Variants in FGD5 observed in about 807,000 individuals in gnomAD.
FGD5 encodes the protein FYVE, RhoGEF and PH domain-containing protein 5.
Under a neutral mutation model 133.4 loss-of-function variants are expected in FGD5, and 28 were observed. The ratio of observed to expected loss-of-function variants is 0.21; its 90% CI spans 0.16 to 0.29. FGD5 has a LOEUF of 0.29. Among genes scored for constraint, FGD5 ranks in the 10% least tolerant of loss-of-function variants. FGD5 has a pLI of 1.00. For missense variants in FGD5, 1,858 were observed against 1,895.2 expected, an observed-to-expected ratio of 0.98 and a Z score of 0.36; for synonymous variants, 810 against 776.5, an observed-to-expected ratio of 1.04 and a Z score of -0.72.
At chr3:14,903,783 C>T (rs1026219353) in intron 9 of FGD5, among the ~76,000 whole-genome samples, 6 of 152,058 alleles carry the variant, frequency 3.9e-5, no homozygotes, top group African/African-American at 1.4e-4. Context: ...AACCGAAGAC[C>T]CTAGCTCATT....
intron 1 of FGD5, among the ~76,000 whole-genome samples, chr3:14,837,492 T>C (rs2036838196): frequency 6.6e-6 from 1 of 152,166 alleles, no homozygotes; most frequent in Non-Finnish European, 1.5e-5. Flanking sequence ...TTGGATGGCA[T>C]TGGCTGGAGG....
upstream of FGD5, among the ~76,000 whole-genome samples, chr3:14,815,760 T>C (rs1379269080): frequency 6.6e-6 from 1 of 152,142 alleles, no homozygotes; most frequent in African/African-American, 2.4e-5. Flanking sequence ...CCTCTGAGTC[T>C]CCATCATAGA....
intron 1 of FGD5, among the ~76,000 whole-genome samples, chr3:14,835,564 G>A (rs559068182): frequency 3.3e-5 from 5 of 152,138 alleles, no homozygotes; most frequent in South Asian, 4.1e-4. Flanking sequence ...TCAGGAGGTC[G>A]TGAAACCTTA....
chr3:14,898,614 A>G (rs1318028765), intron 6 of FGD5, 125 bp from the exon 7 acceptor site: 8 of 744,892 alleles, frequency 1.1e-5, no homozygotes, highest in Admixed American at 4.7e-5. Context: ...GGTTTTGGAG[A>G]TGAGGGAGAA....
intron 1 of FGD5, among the ~76,000 whole-genome samples, chr3:14,844,273 A>T (rs1194953218): frequency 4.0e-5 from 3 of 75,560 alleles, no homozygotes; most frequent in Non-Finnish European, 8.0e-5. Context: ...TATATATATA[A>T]TGCAGGTTTC....
At chr3:14,859,922 C>G (rs897993849) in intron 1 of FGD5, among the ~76,000 whole-genome samples, 9 of 152,206 alleles carry the variant, frequency 5.9e-5, no homozygotes, top group African/African-American at 2.2e-4. Context: ...AAATCAACAA[C>G]TGTTTCCATG....
At chr3:14,928,697 A>T (rs2038855262) in intron 18 of FGD5, among the ~76,000 whole-genome samples, 1 of 152,210 alleles carries the variant, frequency 6.6e-6, no homozygotes, top group Admixed American at 6.5e-5. Context: ...GTGGGCCAAG[A>T]TCACACCATT....
intron 1 of FGD5, among the ~76,000 whole-genome samples, chr3:14,840,111 C>G (rs2036891528): frequency 6.6e-6 from 1 of 151,680 alleles, no homozygotes; most frequent in Admixed American, 6.6e-5. Context: ...AGGTAACACA[C>G]ACACACATTT....
intron 1 of FGD5, among the ~76,000 whole-genome samples, chr3:14,828,739 T>C (rs745891147): frequency 6.6e-6 from 1 of 151,856 alleles, no homozygotes; most frequent in Non-Finnish European, 1.5e-5. Context: ...GTGATAAAGC[T>C]TGGTTAGTGG....
chr3:14,810,859 A>G (rs2125061342), exon 1 of FGD5: 1 of 985,026 alleles, frequency 1.0e-6, no homozygotes, highest in Non-Finnish European at 1.2e-6. Context: ...GAAGATGAAC[A>G]GAGCAGGTAG....
intron 11 of FGD5, among the ~76,000 whole-genome samples, chr3:14,912,556 C>T (rs1168694369): frequency 6.6e-6 from 1 of 152,198 alleles, no homozygotes; most frequent in African/African-American, 2.4e-5. Context: ...TTAACCTCTG[C>T]TTACACACCT....
At chr3:14,919,043 C>T (rs2038620148) in intron 13 of FGD5, among the ~76,000 whole-genome samples, 1 of 152,116 alleles carries the variant, frequency 6.6e-6, no homozygotes, top group African/African-American at 2.4e-5. Context: ...AATGTACACA[C>T]TCATAAAATT....
intron 1 of FGD5, among the ~76,000 whole-genome samples, chr3:14,833,952 G>A (rs114160165): frequency 2.1e-3 from 323 of 152,240 alleles, no homozygotes; most frequent in African/African-American, 7.6e-3. Flanking sequence ...TGGTTATGGG[G>A]TCCTCCTTGG....
chr3:14,907,713 T>G lies in FGD5; in HGVS notation c.3336+2T>G. On this transcript the variant is annotated splice_donor_variant, in intron 10 of 19. Transcript: ENST00000285046. LOFTEE classifies it high-confidence loss of function. The stretch of plus-strand genomic sequence containing the variant: ...GGGGATCTCCTCCAGCCAGGAAGGG[T>G]GAGTGCCGCCACCATGGGTAGGGGC... 1 of 1,612,824 alleles carries G rather than the reference T, an allele frequency of 6.2e-7. No individual in the cohort carries two copies. Among genetic ancestry groups the G allele is most frequent in the Non-Finnish European group, 8.5e-7 (1 of 1,179,342 alleles).
intron 11 of FGD5, among the ~76,000 whole-genome samples, chr3:14,916,199 G>A (rs2038550596): frequency 6.6e-6 from 1 of 152,210 alleles, no homozygotes; most frequent in African/African-American, 2.4e-5. Flanking sequence ...TAAAGTAATG[G>A]TGGTGGTGTC....
At chr3:14,846,588 G>C (rs986730552) in intron 1 of FGD5, among the ~76,000 whole-genome samples, 1 of 152,218 alleles carries the variant, frequency 6.6e-6, no homozygotes, top group Non-Finnish European at 1.5e-5. Context: ...AGGTCCACGG[G>C]GGAGTTGCCT....
chr3:14,919,442 C>T (rs899079239), intron 13 of FGD5, among the ~76,000 whole-genome samples: 6 of 152,148 alleles, frequency 3.9e-5, no homozygotes, highest in African/African-American at 1.4e-4. Flanking sequence ...CACAGTGAAA[C>T]CCCGTCTCTA....
chr3:14,864,161 C>T lies in FGD5; in HGVS notation c.2559C>T (p.Ile853=). The T allele has an allele frequency of 6.2e-7, 1 of 1,614,014 alleles. No individual in the cohort carries two copies. Among genetic ancestry groups the T allele is most frequent in the Non-Finnish European group, 8.5e-7 (1 of 1,179,864 alleles). The change falls in exon 2 of 20, where the codon ATC becomes ATT. Residue 853 remains isoleucine (I), a synonymous_variant. Coordinates refer to ENST00000285046, the MANE Select transcript of FGD5 (RefSeq NM_152536.4). ...CAGAGCCCTACAAAGTCTGTCCCAT[C>T]TCGTCGGCAGCCCCCAAAGAGGACC... The part of the protein sequence containing the change: ...AYTEPYKVCP[I]SSAAPKEDLT...
chr3:14,845,314 C>G (rs2037029558), intron 1 of FGD5, among the ~76,000 whole-genome samples: 1 of 152,186 alleles, frequency 6.6e-6, no homozygotes, highest in Non-Finnish European at 1.5e-5. Context: ...TTATTTTACT[C>G]TGAAAGGTTT....
Sources: gnomAD v4.1 joint callset for allele counts (sites outside exome capture counted in the v4.1 genomes callset) on GRCh38, gnomAD v4.1.1 for gene constraint, MANE v1.5 for transcripts, NCBI Gene and HGNC (gene_info 2026-07-23, HGNC 2026-07-21) for gene names.